LRMDA: variants seen among roughly 807,000 people sequenced by gnomAD.
LRMDA encodes leucine-rich melanocyte differentiation-associated protein.
Under a neutral mutation model 29.8 loss-of-function variants are expected in LRMDA, and 18 were observed. The observed-to-expected ratio is 0.60, with a 90% CI of 0.42 to 0.90. LRMDA has a LOEUF of 0.90. Ranked by LOEUF, LRMDA falls within the 40% of genes least tolerant of loss-of-function variation. The probability of loss-of-function intolerance (pLI) is 0.00; values close to 1 mark genes in which losing one functional copy is unlikely to be tolerated. For synonymous variants in LRMDA, 125 were observed against 109.4 expected (o/e 1.14, Z -0.89); for missense variants, 273 against 273.9 (o/e 1.00, Z 0.02).
intron 6 of LRMDA, among the ~76,000 whole-genome samples, chr10:76,326,400 T>C (rs1840834279): frequency 6.6e-6 from 1 of 152,234 alleles, no homozygotes; most frequent in Non-Finnish European, 1.5e-5. Context: ...TTCAAGTTTC[T>C]GATCATGTAC....
At chr10:76,473,746 A>G (rs1842641162) in intron 6 of LRMDA, among the ~76,000 whole-genome samples, 1 of 151,772 alleles carries the variant, frequency 6.6e-6, no homozygotes, top group African/African-American at 2.4e-5. Flanking sequence ...CATTTATAAT[A>G]GCATCAAAAG....
chr10:76,533,449 C>A (rs972693955), intron 6 of LRMDA, among the ~76,000 whole-genome samples: 3 of 152,122 alleles, frequency 2.0e-5, no homozygotes, highest in Non-Finnish European at 4.4e-5. Flanking sequence ...ACTTTATGTT[C>A]ATTGTTGAAA....
chr10:76,071,671 C>T (rs1208500999), intron 5 of LRMDA, among the ~76,000 whole-genome samples: 1 of 152,246 alleles, frequency 6.6e-6, no homozygotes, highest in African/African-American at 2.4e-5. Flanking sequence ...AAATGTGCAA[C>T]TTTGTTCACA....
intron 5 of LRMDA, among the ~76,000 whole-genome samples, chr10:76,096,031 T>A: frequency 6.6e-6 from 1 of 152,194 alleles, no homozygotes; most frequent in Admixed American, 6.5e-5. Context: ...CATTTTGAGA[T>A]ATGTATTTTG....
intron 2 of LRMDA, among the ~76,000 whole-genome samples, chr10:75,955,562 A>G (rs1564616049): frequency 6.6e-6 from 1 of 152,174 alleles, no homozygotes; most frequent in African/African-American, 2.4e-5. Flanking sequence ...CATCTTTACC[A>G]TTACCTAGCT....
chr10:76,361,887 T>C (rs1355329311), intron 6 of LRMDA, among the ~76,000 whole-genome samples: 1 of 152,180 alleles, frequency 6.6e-6, no homozygotes, highest in Admixed American at 6.5e-5. Context: ...TGGTGTGCTC[T>C]TCTCAGTTAA....
intron 2 of LRMDA, among the ~76,000 whole-genome samples, chr10:75,653,390 A>G (rs1360930263): frequency 1.3e-5 from 2 of 152,178 alleles, no homozygotes; most frequent in Non-Finnish European, 2.9e-5. Flanking sequence ...GGAAAAGTCA[A>G]AATTTTCAGT....
At chr10:75,933,428 T>G (rs1323159959) in intron 2 of LRMDA, among the ~76,000 whole-genome samples, 1 of 152,208 alleles carries the variant, frequency 6.6e-6, no homozygotes, top group Admixed American at 6.5e-5. Flanking sequence ...CAGATACAGT[T>G]ATGGCTAAAT....
chr10:75,482,693 G>C (rs1844867008), intron 2 of LRMDA, among the ~76,000 whole-genome samples: 1 of 152,114 alleles, frequency 6.6e-6, no homozygotes, highest in African/African-American at 2.4e-5. Flanking sequence ...GGAGTTTACT[G>C]GTTCTGGCGA....
At chr10:76,379,698 G>T (rs1482105892) in intron 6 of LRMDA, among the ~76,000 whole-genome samples, 3 of 151,578 alleles carry the variant, frequency 2.0e-5, no homozygotes, top group East Asian at 1.9e-4. Flanking sequence ...GTTGTTTTTT[G>T]ATTTTAATTT....
chr10:76,127,697 A>G (rs2132132020), intron 5 of LRMDA, among the ~76,000 whole-genome samples: 1 of 152,242 alleles, frequency 6.6e-6, no homozygotes. Flanking sequence ...AAAAAAAATC[A>G]TAAAATTCTA....
chr10:76,389,770 A>G (rs1841701579), intron 6 of LRMDA, among the ~76,000 whole-genome samples: 1 of 152,242 alleles, frequency 6.6e-6, no homozygotes, highest in Non-Finnish European at 1.5e-5. Context: ...TAATGTCCTC[A>G]AAATTCATCC....
intron 6 of LRMDA, among the ~76,000 whole-genome samples, chr10:76,540,889 T>G (rs1843346198): frequency 6.6e-6 from 1 of 152,080 alleles, no homozygotes; most frequent in Non-Finnish European, 1.5e-5. Flanking sequence ...TTGTTACGAG[T>G]GAATAACTTG....
At chr10:76,231,820 A>G (rs1372301960) in intron 5 of LRMDA, among the ~76,000 whole-genome samples, 1 of 152,238 alleles carries the variant, frequency 6.6e-6, no homozygotes, top group Non-Finnish European at 1.5e-5. Context: ...CATTAAGGGC[A>G]TATCCACAAA....
At chr10:75,915,420 G>A (rs1312273685) in intron 2 of LRMDA, among the ~76,000 whole-genome samples, 1 of 151,822 alleles carries the variant, frequency 6.6e-6, no homozygotes, top group Admixed American at 6.6e-5. Flanking sequence ...ATAGGCGTGA[G>A]CCACTGTACC....
intron 2 of LRMDA, among the ~76,000 whole-genome samples, chr10:75,690,366 G>A (rs748746638): frequency 1.1e-4 from 16 of 152,114 alleles, no homozygotes; most frequent in South Asian, 4.1e-4. Context: ...ATGCAGTGGC[G>A]TGATCATGGC....
At chr10:75,607,002 G>A (rs939439673) in intron 2 of LRMDA, among the ~76,000 whole-genome samples, 1 of 152,174 alleles carries the variant, frequency 6.6e-6, no homozygotes, top group African/African-American at 2.4e-5. Context: ...TAGGAAGGAG[G>A]CCAGTTTGGA....
At chr10:75,846,970 T>G (rs1844649676) in intron 2 of LRMDA, among the ~76,000 whole-genome samples, 1 of 152,154 alleles carries the variant, frequency 6.6e-6, no homozygotes, top group African/African-American at 2.4e-5. Context: ...TTGATCAAAA[T>G]CTCAGTGGCA....
chr10:75,871,291 G>A (rs538661757), intron 2 of LRMDA, among the ~76,000 whole-genome samples: 2 of 152,288 alleles, frequency 1.3e-5, no homozygotes, highest in African/African-American at 4.8e-5. Flanking sequence ...GTTACTGCAA[G>A]AGTCTGTCTT....
Sources: gnomAD v4.1 joint callset for allele counts (sites outside exome capture counted in the v4.1 genomes callset) on GRCh38, gnomAD v4.1.1 for gene constraint, MANE v1.5 for transcripts, NCBI Gene and HGNC (gene_info 2026-07-23, HGNC 2026-07-21) for gene names.